Variants in FGF13 observed in about 807,000 individuals in gnomAD.
FGF13 encodes the protein fibroblast growth factor homologous factor 2.
FGF13 carries 2 observed loss-of-function variants against 19.5 expected under a neutral mutation model. The ratio of observed to expected loss-of-function variants is 0.10; its 90% CI spans 0.04 to 0.32. FGF13 has a LOEUF of 0.32. Ranked by LOEUF, FGF13 falls within the 10% of genes least tolerant of loss-of-function variation. FGF13 has a pLI of 1.00. For missense variants in FGF13, 113 were observed against 192.7 expected (o/e 0.59, Z 2.45); for synonymous variants, 72 against 76.9 (o/e 0.94, Z 0.33).
At chrX:138,784,594 GGCCCTTATTTCTCTATTA>G (rs1267255027) in intron 3 of FGF13, among the ~76,000 whole-genome samples, 1 of 109,641 alleles carries the variant, frequency 9.1e-6, no homozygotes, top group African/African-American at 3.3e-5. Context: ...CTCATTTTTG[GGCCCTTATTTCTCTATTA>G]GCCTACTTCT....
intron 1 of FGF13, among the ~76,000 whole-genome samples, chrX:139,141,054 TAGATAG>T (rs751245832): frequency 2.4e-4 from 18 of 74,723 alleles, no homozygotes; most frequent in Admixed American, 4.2e-4. Context: ...AGATGATAGA[TAGATAG>T]ATAGATAGAT....
chrX:138,833,329 G>A (rs894708186), intron 3 of FGF13, among the ~76,000 whole-genome samples: 6 of 111,628 alleles, frequency 5.4e-5, no homozygotes, highest in Non-Finnish European at 7.5e-5. Flanking sequence ...TGTCATCTCC[G>A]ATTTCTTTGA....
Position 138,774,353 on chromosome X carries a change from G to A in FGF13, c.218-65425C>T, listed in dbSNP as rs1255203179. Reference sequence around the variant, plus strand: ...CTTATACACAACTTGCTATGCATGAGGAATTATTCCAAGTACTTTGGAACT... The same window carrying A: ...CTTATACACAACTTGCTATGCATGAAGAATTATTCCAAGTACTTTGGAACT... On this transcript the variant is annotated intron_variant, in intron 3 of 6. Coordinates refer to the FGF13 transcript ENST00000436198. Among the ~76,000 whole-genome samples the A allele has an allele frequency of 2.7e-5, 3 of 111,703 alleles. No homozygotes were observed. The Admixed American group carries it at 2.9e-4, about 11-fold the overall frequency.
chrX:138,937,289 G>A (rs182301612), intron 1 of FGF13, among the ~76,000 whole-genome samples: 29 of 111,604 alleles, frequency 2.6e-4, no homozygotes, highest in African/African-American at 8.8e-4. Context: ...TGGCAAGGAT[G>A]TAGCAAATAT....
intron 1 of FGF13, among the ~76,000 whole-genome samples, chrX:139,067,166 A>T (rs1302187953): frequency 1.8e-5 from 2 of 111,959 alleles, no homozygotes; most frequent in African/African-American, 6.5e-5. Context: ...ACAAACCCAC[A>T]GCCAATGTCA....
At chrX:138,924,355 C>A (rs990872766) in intron 1 of FGF13, among the ~76,000 whole-genome samples, 12 of 111,447 alleles carry the variant, frequency 1.1e-4, no homozygotes, top group Non-Finnish European at 2.3e-4. Flanking sequence ...ACTAGAAGCA[C>A]CAGGCTCTGG....
chrX:139,071,979 G>A (rs1218781955), intron 1 of FGF13, among the ~76,000 whole-genome samples: 1 of 78,978 alleles, frequency 1.3e-5, no homozygotes, highest in African/African-American at 5.4e-5. Flanking sequence ...TTGTGCCACT[G>A]CACTCCAGCC....
chrX:138,747,427 T>C (rs750880811), intron 3 of FGF13, among the ~76,000 whole-genome samples: 1 of 112,239 alleles, frequency 8.9e-6, no homozygotes, highest in South Asian at 3.8e-4. Context: ...TGTGAAAGAC[T>C]GCACAGCACA....
At chrX:139,147,227 A>G (rs76418036) in intron 1 of FGF13, among the ~76,000 whole-genome samples, 2 of 109,058 alleles carry the variant, frequency 1.8e-5, no homozygotes, top group Non-Finnish European at 3.8e-5. Flanking sequence ...AAAAAAAAAA[A>G]GGGATCCAAA....
At chrX:138,771,375 G>A (rs2090544239) in intron 3 of FGF13, among the ~76,000 whole-genome samples, 1 of 111,763 alleles carries the variant, frequency 8.9e-6, no homozygotes, top group Non-Finnish European at 1.9e-5. Context: ...AGGTTTGCCA[G>A]ATGAAATATA....
intron 3 of FGF13, among the ~76,000 whole-genome samples, chrX:138,830,023 C>T (rs914212495): frequency 1.8e-5 from 2 of 112,410 alleles, no homozygotes; most frequent in African/African-American, 6.5e-5. Flanking sequence ...CTGGCTTAAA[C>T]TTCTATTCTT....
chrX:138,809,343 A>T (rs2090901436), intron 3 of FGF13, among the ~76,000 whole-genome samples: 1 of 111,907 alleles, frequency 8.9e-6, no homozygotes, highest in South Asian at 3.7e-4. Flanking sequence ...AAAGACAAAA[A>T]CCACATGATT....
chrX:138,706,015 G>T (rs2089988800), intron 2 of FGF13, among the ~76,000 whole-genome samples: 1 of 112,304 alleles, frequency 8.9e-6, no homozygotes. Context: ...TATTTGAAGG[G>T]CCACTTAATC....
chrX:138,780,907 T>A (rs1192479062), intron 3 of FGF13, among the ~76,000 whole-genome samples: 1 of 110,011 alleles, frequency 9.1e-6, no homozygotes, highest in Non-Finnish European at 1.9e-5. Flanking sequence ...ATTGACCACA[T>A]ACTTGGAAGT....
chrX:138,881,113 A>T (rs180747211), intron 1 of FGF13, among the ~76,000 whole-genome samples: 1 of 111,850 alleles, frequency 8.9e-6, no homozygotes, highest in Non-Finnish European at 1.9e-5. Context: ...AATGTTTTAT[A>T]GTTTTTAGTG....
chrX:138,856,279 A>C (rs1199936131), downstream of FGF13, among the ~76,000 whole-genome samples: 1 of 111,496 alleles, frequency 9.0e-6, no homozygotes, highest in Non-Finnish European at 1.9e-5. Context: ...TGGCTGAATT[A>C]AACACAGATA....
At chrX:138,996,203 G>A (rs749154579) in intron 1 of FGF13, among the ~76,000 whole-genome samples, 11 of 112,472 alleles carry the variant, frequency 9.8e-5, no homozygotes, top group Admixed American at 9.4e-4. Flanking sequence ...AACCCACAGA[G>A]GGCAAGCCGA....
At chrX:138,974,150 A>C (rs1603086945) in intron 1 of FGF13, among the ~76,000 whole-genome samples, 1 of 112,184 alleles carries the variant, frequency 8.9e-6, no homozygotes, top group South Asian at 3.7e-4. Flanking sequence ...ATTGTTTATA[A>C]ATTACCCAGT....
At chrX:138,653,648 G>T (rs1193811215) in intron 3 of FGF13, among the ~76,000 whole-genome samples, 1 of 111,127 alleles carries the variant, frequency 9.0e-6, no homozygotes, top group African/African-American at 3.3e-5. Flanking sequence ...ACCTGGGATG[G>T]CTTAGCCAGG....
Sources: gnomAD v4.1 joint callset for allele counts (sites outside exome capture counted in the v4.1 genomes callset) on GRCh38, gnomAD v4.1.1 for gene constraint, MANE v1.5 for transcripts, NCBI Gene and HGNC (gene_info 2026-07-23, HGNC 2026-07-21) for gene names.